The following GUCY2F variants were observed in gnomAD, a reference collection of about 807,000 sequenced individuals.
GUCY2F encodes guanylate cyclase 2F, retinal.
In GUCY2F, 61 loss-of-function variants were observed where a neutral mutation model predicts 73.1. The ratio of observed to expected loss-of-function variants is 0.83; its 90% confidence interval spans 0.68 to 1.03. The LOEUF (loss-of-function observed/expected upper bound fraction) is 1.03, where lower values mean the gene tolerates loss of function less well. GUCY2F is among the 50% of genes least tolerant of loss of function. GUCY2F has a pLI of 0.00. For synonymous variants in GUCY2F, 331 were observed against 307.8 expected, an observed-to-expected ratio of 1.08 and a Z score of -0.79; for missense variants, 912 against 854.3, an observed-to-expected ratio of 1.07 and a Z score of -0.84.
intron 1 of GUCY2F, among the ~76,000 whole-genome samples, chrX:109,481,593 A>T (rs518397): frequency 0.28 from 30,610 of 110,756 alleles, 3,530 homozygotes; most frequent in Non-Finnish European, 0.36. Context: ...AGCTTGTATA[A>T]GACAACATCA....
intron 17 of GUCY2F, among the ~76,000 whole-genome samples, chrX:109,378,651 T>A (rs1206421229): frequency 9.0e-6 from 1 of 111,334 alleles, no homozygotes; most frequent in Non-Finnish European, 1.9e-5. Flanking sequence ...TGCTTGTGTG[T>A]GTATGCTGGG....
intron 8 of GUCY2F, among the ~76,000 whole-genome samples, chrX:109,425,249 G>A (rs1036066571): frequency 4.5e-5 from 5 of 110,931 alleles, no homozygotes; most frequent in African/African-American, 1.6e-4. Context: ...ACTTGTACAC[G>A]CATGTTTACA....
chrX:109,474,575 AG>A (rs1349311029), intron 2 of GUCY2F, among the ~76,000 whole-genome samples: 1 of 112,037 alleles, frequency 8.9e-6, no homozygotes, highest in African/African-American at 3.2e-5. Flanking sequence ...TTCCATTGGA[AG>A]GGGAAACTTA....
intron 8 of GUCY2F, among the ~76,000 whole-genome samples, chrX:109,425,388 A>G (rs200101488): frequency 7.7e-5 from 8 of 103,582 alleles, no homozygotes; most frequent in East Asian, 2.9e-4. Flanking sequence ...ATATATATGT[A>G]TATATATATA....
intron 15 of GUCY2F, among the ~76,000 whole-genome samples, chrX:109,387,672 G>A (rs776577181): frequency 1.8e-5 from 2 of 112,178 alleles, no homozygotes; most frequent in Admixed American, 1.9e-4. Flanking sequence ...TCAGACAGTG[G>A]TAGGAAATGA....
At chrX:109,477,500 C>T (rs1459013483) in intron 1 of GUCY2F, among the ~76,000 whole-genome samples, 1 of 111,738 alleles carries the variant, frequency 8.9e-6, no homozygotes, top group African/African-American at 3.3e-5. Context: ...TAATAGAAAG[C>T]TGAATAAGAG....
chrX:109,409,133 TA>T lies in GUCY2F; in HGVS notation c.1826del (p.Leu609TyrfsTer14). 1.8e-6 allele frequency: 2 copies of T among 1,129,012 alleles called. No homozygotes were observed. Among genetic ancestry groups the T allele is most frequent in the Non-Finnish European group, 2.4e-6 (2 of 820,939 alleles). 93.0% of individuals were successfully genotyped at this position (1,129,012 alleles called of 1,213,427 possible). ...KDLRHENINP[L>X]LGFFYDSGMF... is the part of the protein sequence containing the mutation. The stretch of plus-strand genomic sequence containing the variant: ...TCCCCGAATCATAGAAGAAACCCAA[TA>T]AAGGGTTAATATTCTCATGACGCAA... On this transcript the variant is annotated frameshift_variant, in exon 9 of 20. Transcript: ENST00000218006. LOFTEE classifies it high-confidence loss of function.
Position 109,476,602 on chromosome X carries a change from T to C in GUCY2F, c.-85-581A>G, listed in dbSNP as rs140223273. 8.7e-3 allele frequency among the ~76,000 whole-genome samples: 961 copies of C among 110,627 alleles called. 9 individuals are homozygous for C. The highest frequency in any genetic ancestry group is 0.029 in the African/African-American group (881 of 30,350). ...AGGAGAGAAGGGAGGAAGAACAGTC[T>C]CTCTGGATTGAGTACTGAAGAAAAG... is the stretch of plus-strand genomic sequence containing the variant. On this transcript the variant is annotated intron_variant, in intron 1 of 19. Coordinates refer to ENST00000218006, the MANE Select transcript of GUCY2F (RefSeq NM_001522.3).
At chrX:109,477,000 G>C in intron 1 of GUCY2F, among the ~76,000 whole-genome samples, 1 of 110,356 alleles carries the variant, frequency 9.1e-6, no homozygotes, top group Non-Finnish European at 1.9e-5. Flanking sequence ...TTTAAGCAGG[G>C]AAATAGTATT....
At chrX:109,415,747 T>G (rs1277530998) in intron 8 of GUCY2F, among the ~76,000 whole-genome samples, 1 of 112,231 alleles carries the variant, frequency 8.9e-6, no homozygotes, top group Non-Finnish European at 1.9e-5. Context: ...ATGTGATTAG[T>G]TCCTTACCCA....
At chrX:109,426,996 T>C (rs1198567678) in intron 8 of GUCY2F, among the ~76,000 whole-genome samples, 1 of 111,617 alleles carries the variant, frequency 9.0e-6, no homozygotes, top group Admixed American at 9.5e-5. Context: ...AAACAGAGAA[T>C]GGCATTAGCC....
Position 109,388,633 on chromosome X carries a change from C to T in GUCY2F, c.2812G>A (p.Ala938Thr), listed in dbSNP as rs765920850. The T allele has an allele frequency of 8.3e-7, 1 of 1,198,916 alleles. No individual in the cohort carries two copies. The highest frequency in any genetic ancestry group is 1.1e-6 in the Non-Finnish European group (1 of 884,434). Residue 938 changes from alanine to threonine, a missense_variant, in exon 15 of 20, where the codon GCT (alanine) becomes ACT (threonine). Transcript: ENST00000218006. ...CCATTCCTCTTTGGGAGGCCTGAAG[C>T]CACCATGTAGGCATCTCCAATGGTC... is the stretch of plus-strand genomic sequence containing the variant. ...VETIGDAYMV[A>T]SGLPKRNGSR... is the part of the protein sequence containing the mutation.
intron 6 of GUCY2F, among the ~76,000 whole-genome samples, chrX:109,442,706 G>T (rs187758589): frequency 9.0e-6 from 1 of 111,109 alleles, no homozygotes; most frequent in East Asian, 2.8e-4. Context: ...TACCCAGCCC[G>T]CAATGTGCTG....
chrX:109,387,978 G>C (rs950094462), intron 15 of GUCY2F, among the ~76,000 whole-genome samples: 1 of 110,836 alleles, frequency 9.0e-6, no homozygotes, highest in African/African-American at 3.3e-5. Flanking sequence ...GGAGGGAGTG[G>C]ACAGTGAAGA....
At chrX:109,467,303 G>T (rs1298129720) in intron 2 of GUCY2F, among the ~76,000 whole-genome samples, 1 of 112,029 alleles carries the variant, frequency 8.9e-6, no homozygotes, top group Non-Finnish European at 1.9e-5. Context: ...GGTCCATTGA[G>T]GCGGGGAAAA....
chrX:109,387,470 AGAAGG>A (rs1930462917), intron 15 of GUCY2F, among the ~76,000 whole-genome samples: 1 of 112,288 alleles, frequency 8.9e-6, no homozygotes. Flanking sequence ...ATTTTGATAT[AGAAGG>A]CTGAAGCTTA....
intron 16 of GUCY2F, among the ~76,000 whole-genome samples, chrX:109,382,652 ACTCT>A (rs1240330838): frequency 5.4e-5 from 6 of 111,952 alleles, no homozygotes; most frequent in African/African-American, 1.9e-4. Flanking sequence ...CATTCTTACA[ACTCT>A]CTCTCAACAT....
chrX:109,457,263 A>G (rs1009583618), intron 3 of GUCY2F, among the ~76,000 whole-genome samples: 4 of 112,016 alleles, frequency 3.6e-5, no homozygotes, highest in Non-Finnish European at 7.5e-5. Flanking sequence ...GTTCAGCATA[A>G]TGGTTCGTGC....
chrX:109,399,399 G>T (rs1333448959), intron 10 of GUCY2F, among the ~76,000 whole-genome samples: 2 of 112,160 alleles, frequency 1.8e-5, no homozygotes, highest in Non-Finnish European at 3.8e-5. Context: ...AAAGGGAAAT[G>T]AATCCATTAA....
Sources: gnomAD v4.1 joint callset for allele counts (sites outside exome capture counted in the v4.1 genomes callset) on GRCh38, gnomAD v4.1.1 for gene constraint, MANE v1.5 for transcripts, NCBI Gene and HGNC (gene_info 2026-07-23, HGNC 2026-07-21) for gene names.